Variants in GPR39 observed in about 807,000 individuals in gnomAD.
GPR39 encodes zinc sensing receptor.
In GPR39, 23 loss-of-function variants were observed where a neutral mutation model predicts 18.4. The observed-to-expected ratio is 1.25, with a 90% confidence interval of 0.90 to 1.77. The LOEUF (loss-of-function observed/expected upper bound fraction) is 1.77. Among genes scored for constraint, GPR39 ranks in the 40% most tolerant of loss-of-function variants. GPR39 has a pLI of 0.00. For missense variants in GPR39, 647 were observed against 602.4 expected (o/e 1.07, Z -0.78); for synonymous variants, 280 against 257.9 (o/e 1.09, Z -0.82).
chr2:132,437,018 A>T (rs1371355732), intron 1 of GPR39, among the ~76,000 whole-genome samples: 1 of 152,208 alleles, frequency 6.6e-6, no homozygotes, highest in East Asian at 1.9e-4. Context: ...AAATTGAAAC[A>T]CGGAGAGTTT....
chr2:132,601,088 A>C (rs1281523882), intron 1 of GPR39, among the ~76,000 whole-genome samples: 2 of 152,166 alleles, frequency 1.3e-5, no homozygotes, highest in Non-Finnish European at 2.9e-5. Context: ...TTTCCCCAAA[A>C]TTGAAGAGGC....
At chr2:132,622,742 T>C (rs1255590888) in intron 1 of GPR39, among the ~76,000 whole-genome samples, 3 of 152,180 alleles carry the variant, frequency 2.0e-5, no homozygotes, top group Non-Finnish European at 4.4e-5. Flanking sequence ...TAAGTTAAAA[T>C]AAGGGGGTCT....
intron 1 of GPR39, among the ~76,000 whole-genome samples, chr2:132,625,046 A>T (rs997865766): frequency 6.6e-6 from 1 of 151,036 alleles, no homozygotes; most frequent in African/African-American, 2.4e-5. Context: ...CCACGCTGGC[A>T]GTGTACGGGA....
intron 1 of GPR39, among the ~76,000 whole-genome samples, chr2:132,534,798 A>G (rs932339998): frequency 4.0e-5 from 6 of 151,652 alleles, no homozygotes; most frequent in Non-Finnish European, 8.8e-5. Flanking sequence ...ATGAGAACAC[A>G]TGGACACAGG....
intron 1 of GPR39, among the ~76,000 whole-genome samples, chr2:132,528,927 G>A (rs571565140): frequency 6.6e-6 from 1 of 152,136 alleles, no homozygotes; most frequent in Admixed American, 6.5e-5. Flanking sequence ...CCAGTCTACA[G>A]CTCCCAGCAT....
rs548375831 is a variant in GPR39, at chr2:132,486,150, T to C, written c.856+68252T>C. On this transcript the variant is annotated intron_variant, in intron 1 of 1. Coordinates refer to ENST00000329321, the MANE Select transcript of GPR39 (RefSeq NM_001508.3). The stretch of plus-strand genomic sequence containing the variant: ...TAATATTTTGAAAGGAATCTTGTTT[T>C]CTGAGCAGTAGTATCAACAGTGGGC... 4.6e-4 allele frequency among the ~76,000 whole-genome samples: 70 copies of C among 152,346 alleles called. 1 individual carries two copies. In the South Asian group the frequency reaches 0.014, roughly 31 times the overall value.
intron 1 of GPR39, among the ~76,000 whole-genome samples, chr2:132,623,996 C>G (rs1681493840): frequency 6.6e-6 from 1 of 152,180 alleles, no homozygotes; most frequent in South Asian, 2.1e-4. Context: ...ATTTACATCA[C>G]AGTAACCTGC....
At chr2:132,573,180 A>T (rs1164607045) in intron 1 of GPR39, among the ~76,000 whole-genome samples, 1 of 152,176 alleles carries the variant, frequency 6.6e-6, no homozygotes, top group African/African-American at 2.4e-5. Flanking sequence ...AGATGTTTCC[A>T]CAAGTTTCCA....
intron 1 of GPR39, among the ~76,000 whole-genome samples, chr2:132,476,866 A>G (rs1423249955): frequency 1.3e-5 from 2 of 152,080 alleles, no homozygotes; most frequent in Non-Finnish European, 2.9e-5. Flanking sequence ...AGGAAGGGAA[A>G]GGTTGGCTCT....
chr2:132,451,703 A>T (rs1680635406), intron 1 of GPR39, among the ~76,000 whole-genome samples: 1 of 152,188 alleles, frequency 6.6e-6, no homozygotes, highest in Non-Finnish European at 1.5e-5. Context: ...GCTGTTAAAT[A>T]AATTTATTTA....
At chr2:132,576,155 ATTTC>A (rs1680524227) in intron 1 of GPR39, among the ~76,000 whole-genome samples, 1 of 152,002 alleles carries the variant, frequency 6.6e-6, no homozygotes, top group Admixed American at 6.5e-5. Flanking sequence ...TAATTGAATT[ATTTC>A]TTTTTTTACT....
At chr2:132,458,139 C>T (rs1680765995) in intron 1 of GPR39, among the ~76,000 whole-genome samples, 1 of 152,162 alleles carries the variant, frequency 6.6e-6, no homozygotes, top group Admixed American at 6.5e-5. Flanking sequence ...GGGCTGCACC[C>T]ACTGTCCAAC....
intron 1 of GPR39, among the ~76,000 whole-genome samples, chr2:132,518,143 G>A (rs576327155): frequency 2.6e-5 from 4 of 152,310 alleles, no homozygotes; most frequent in African/African-American, 7.2e-5. Context: ...AATATGTTAT[G>A]ACCTAGCACA....
At chr2:132,481,430 G>T (rs955828499) in intron 1 of GPR39, among the ~76,000 whole-genome samples, 3 of 152,154 alleles carry the variant, frequency 2.0e-5, no homozygotes, top group African/African-American at 7.2e-5. Context: ...ATTGAGAAGT[G>T]TCTTTTTAGT....
intron 1 of GPR39, among the ~76,000 whole-genome samples, chr2:132,504,491 A>C (rs1278410388): frequency 6.6e-6 from 1 of 152,104 alleles, no homozygotes; most frequent in Non-Finnish European, 1.5e-5. Flanking sequence ...TTTGTGCTTG[A>C]AGTTCTCAGA....
intron 1 of GPR39, among the ~76,000 whole-genome samples, chr2:132,569,061 C>T (rs1353157563): frequency 6.6e-6 from 1 of 152,086 alleles, no homozygotes; most frequent in Admixed American, 6.5e-5. Context: ...GACTAGCACC[C>T]AAGGGTTGTT....
intron 1 of GPR39, among the ~76,000 whole-genome samples, chr2:132,501,944 C>A (rs958831832): frequency 6.6e-6 from 1 of 152,088 alleles, no homozygotes; most frequent in Non-Finnish European, 1.5e-5. Context: ...TTTTCCACAC[C>A]TTTACCTTAA....
At chr2:132,610,318 C>T (rs1428574748) in intron 1 of GPR39, among the ~76,000 whole-genome samples, 3 of 152,170 alleles carry the variant, frequency 2.0e-5, no homozygotes, top group Admixed American at 6.5e-5. Flanking sequence ...GTAGTCATCA[C>T]ACAAGAACAT....
chr2:132,526,918 A>T (rs2104771806), intron 1 of GPR39, among the ~76,000 whole-genome samples: 1 of 152,192 alleles, frequency 6.6e-6, no homozygotes, highest in Middle Eastern at 3.4e-3. Flanking sequence ...AATTAATTCT[A>T]CCTACTTTGT....
Sources: allele counts gnomAD v4.1 joint callset (sites outside exome capture counted in the v4.1 genomes callset), GRCh38; gene constraint gnomAD v4.1.1; transcripts MANE v1.5; gene names NCBI Gene and HGNC (gene_info 2026-07-23, HGNC 2026-07-21).